The following LPP variants were observed in gnomAD, a reference collection of about 807,000 sequenced individuals.
LPP encodes lipoma-preferred partner.
LPP carries 38 observed loss-of-function variants against 60.4 expected under a neutral mutation model. That is an observed-to-expected ratio of 0.63 (90% confidence interval 0.49 to 0.83). LPP has a LOEUF of 0.83. Among genes scored for constraint, LPP ranks in the 40% least tolerant of loss-of-function variants. The pLI is 0.00. For synonymous variants in LPP, 328 were observed against 290.8 expected, an observed-to-expected ratio of 1.13 and a Z score of -1.30; for missense variants, 902 against 783.6, an observed-to-expected ratio of 1.15 and a Z score of -1.80.
At chr3:188,837,124 T>C (rs1758639074) in intron 9 of LPP, among the ~76,000 whole-genome samples, 1 of 152,068 alleles carries the variant, frequency 6.6e-6, no homozygotes, top group African/African-American at 2.4e-5. Flanking sequence ...AAATCTGGGC[T>C]TCCCAGCAGC....
intron 1 of LPP, among the ~76,000 whole-genome samples, chr3:188,214,705 T>A (rs1450630883): frequency 1.3e-5 from 2 of 152,138 alleles, no homozygotes; most frequent in African/African-American, 2.4e-5. Context: ...GGGTGGTGAC[T>A]GTAAGCCCTG....
chr3:188,725,358 A>G (rs967243447), intron 8 of LPP: 11 of 152,208 alleles, frequency 7.2e-5, no homozygotes, highest in African/African-American at 2.7e-4. Context: ...ATCCGTCATA[A>G]TAACAGCATT....
intron 3 of LPP, among the ~76,000 whole-genome samples, chr3:188,382,969 G>A (rs1023570435): frequency 1.3e-5 from 2 of 152,096 alleles, no homozygotes; most frequent in African/African-American, 4.8e-5. Context: ...AAACCCGTAG[G>A]GACATAGGAT....
chr3:188,406,903 C>T (rs1422345109), intron 4 of LPP, among the ~76,000 whole-genome samples: 1 of 152,110 alleles, frequency 6.6e-6, no homozygotes, highest in Non-Finnish European at 1.5e-5. Flanking sequence ...ATTCAGTTTA[C>T]ATCAAGTAGA....
chr3:188,408,304 T>G (rs1784145483), intron 4 of LPP, among the ~76,000 whole-genome samples: 1 of 152,106 alleles, frequency 6.6e-6, no homozygotes. Context: ...GGTCCTATAT[T>G]AAGTGGGCTC....
Position 188,881,895 on chromosome 3 carries a change from C to A in LPP, c.*7416C>A, listed in dbSNP as rs532210377. On this transcript the variant is annotated 3_prime_UTR_variant, in exon 12 of 12. Coordinates refer to ENST00000617246, the MANE Select transcript of LPP (RefSeq NM_001375462.1). ...TGGTTGATTGATTTCGAGATTCATT[C>A]ATTCTGTGCTCAAATATTTGTACCT... 4.6e-6 allele frequency: 1 copy of A among 216,874 alleles called. No individual in the cohort carries two copies. Among genetic ancestry groups the A allele is most frequent in the Admixed American group, 5.8e-5 (1 of 17,184 alleles). The allele number at this position is 216,874 out of a possible 1,614,324, so 13.4% of individuals were successfully genotyped here.
chr3:188,465,878 ATGT>A (rs1421309379), intron 4 of LPP, among the ~76,000 whole-genome samples: 3 of 152,078 alleles, frequency 2.0e-5, no homozygotes, highest in Non-Finnish European at 4.4e-5. Context: ...AGTTTTAGAA[ATGT>A]TGTTTTATCA....
chr3:188,277,755 A>G (rs1740490268), intron 2 of LPP, among the ~76,000 whole-genome samples: 1 of 152,184 alleles, frequency 6.6e-6, no homozygotes, highest in African/African-American at 2.4e-5. Flanking sequence ...TTTAACACTC[A>G]GTCCTAGACT....
At chr3:188,841,393 G>GTTTTTTTTTTTTTT (rs71169023) in intron 9 of LPP, among the ~76,000 whole-genome samples, 2 of 112,872 alleles carry the variant, frequency 1.8e-5, no homozygotes, top group East Asian at 3.3e-4. Context: ...TTCTGAATTT[G>GTTTTTTTTTTTTTT]TTTTTTTTTT....
rs1553944492 is a variant in LPP at position 188,613,903 on chromosome 3, T to TTTAATTTA, written c.1113+4061_1113+4062insAATTTATT. ...AGTAGTATGAGAATATTTAAATTAA[T>TTTAATTTA]TTTATTTATTTATTTATTTATTTAT... On this transcript the variant is annotated intron_variant, in intron 7 of 11. Transcript: ENST00000617246. Among the ~76,000 whole-genome samples the TTTAATTTA allele has an allele frequency of 7.2e-4, 102 of 142,626 alleles. No individual in the cohort carries two copies. In the East Asian group the frequency reaches 9.3e-3, roughly 13 times the overall value. 93.6% of individuals were successfully genotyped at this position (142,626 alleles called of 152,430 possible). A position where few individuals can be genotyped will look rare whatever the true frequency, so the allele number is the denominator to read the frequency against.
intron 4 of LPP, among the ~76,000 whole-genome samples, chr3:188,408,684 A>G (rs1274732817): frequency 6.6e-6 from 1 of 151,792 alleles, no homozygotes; most frequent in African/African-American, 2.4e-5. Flanking sequence ...CATATTGAAC[A>G]TGTAGTATAT....
At chr3:188,526,580 T>G (rs890831592) in intron 6 of LPP, among the ~76,000 whole-genome samples, 3 of 152,180 alleles carry the variant, frequency 2.0e-5, no homozygotes, top group Non-Finnish European at 4.4e-5. Context: ...TGTGAGCCAC[T>G]GTGCGTAGCT....
chr3:188,643,459 T>C (rs888584494), intron 7 of LPP, among the ~76,000 whole-genome samples: 1 of 152,198 alleles, frequency 6.6e-6, no homozygotes, highest in Non-Finnish European at 1.5e-5. Context: ...AGAGATAATA[T>C]TGCCTTGCTG....
At chr3:188,457,746 A>AT (rs1480001943) in intron 4 of LPP, among the ~76,000 whole-genome samples, 3 of 147,624 alleles carry the variant, frequency 2.0e-5, no homozygotes, top group Admixed American at 6.8e-5. Context: ...AAAAATATAT[A>AT]TATATATATA....
intron 5 of LPP, among the ~76,000 whole-genome samples, chr3:188,504,438 C>A (rs1440568880): frequency 6.6e-6 from 1 of 152,002 alleles, no homozygotes; most frequent in Admixed American, 6.5e-5. Context: ...GAGACAGTTT[C>A]TGTTGGTTTA....
intron 9 of LPP, among the ~76,000 whole-genome samples, chr3:188,833,331 G>A (rs1439143712): frequency 6.6e-6 from 1 of 152,026 alleles, no homozygotes; most frequent in African/African-American, 2.4e-5. Context: ...TGTTTTGTTT[G>A]GTAGGAACAA....
intron 9 of LPP, among the ~76,000 whole-genome samples, chr3:188,815,582 C>T (rs1476339480): frequency 2.0e-5 from 3 of 151,152 alleles, no homozygotes. Flanking sequence ...TTGACTCTTA[C>T]GCTTAGGCAA....
rs1202469378 is a variant in LPP at position 188,609,443 on chromosome 3, C to T, written c.712C>T (p.Pro238Ser). 1 of 1,614,150 alleles carries T rather than the reference C, an allele frequency of 6.2e-7. No homozygotes were observed. The highest frequency in any genetic ancestry group is 1.7e-5 in the Admixed American group (1 of 60,032). ...GCCCAGCCCTCATTATATGGCTGCC[C>T]CTTCATCAGGACAAATTTATGGCTC... ...AQPSPHYMAA[P>S]SSGQIYGSGP... Residue 238 changes from proline to serine, a missense_variant, in exon 7 of 12, where the codon CCT (proline) becomes TCT (serine). Transcript: ENST00000617246. The surrounding 1 kb of genome is among the most constrained non-coding windows in gnomAD (Gnocchi z 6.9).
intron 4 of LPP, among the ~76,000 whole-genome samples, chr3:188,418,544 G>A (rs1473412127): frequency 6.6e-6 from 1 of 152,128 alleles, no homozygotes; most frequent in Non-Finnish European, 1.5e-5. Flanking sequence ...CTGTTCCTCA[G>A]CAGTACACTG....
Sources: gnomAD v4.1 joint callset for allele counts (sites outside exome capture counted in the v4.1 genomes callset) on GRCh38, gnomAD v4.1.1 for gene constraint, Gnocchi (gnomAD v3.1) non-coding constraint, MANE v1.5 for transcripts, NCBI Gene and HGNC (gene_info 2026-07-23, HGNC 2026-07-21) for gene names.